The following COL26A1 variants were observed in gnomAD, a reference collection of about 807,000 sequenced individuals.
COL26A1 encodes the protein collagen alpha-1(XXVI) chain.
In COL26A1, 41 loss-of-function variants were observed where a neutral mutation model predicts 59.3. That is an observed-to-expected ratio of 0.69 (90% confidence interval 0.54 to 0.90). The LOEUF is 0.90. Among genes scored for constraint, COL26A1 ranks in the 40% least tolerant of loss-of-function variants. The probability of loss-of-function intolerance (pLI) is 0.00; values close to 1 mark genes in which losing one functional copy is unlikely to be tolerated. For missense variants in COL26A1, 612 were observed against 602.3 expected (o/e 1.02, Z -0.17); for synonymous variants, 266 against 256.0 (o/e 1.04, Z -0.37).
chr7:101,370,908 G>A (rs1791175899), intron 1 of COL26A1, among the ~76,000 whole-genome samples: 1 of 152,108 alleles, frequency 6.6e-6, no homozygotes. Flanking sequence ...CCCTGCACCT[G>A]TGATTTGTGG....
intron 3 of COL26A1, among the ~76,000 whole-genome samples, chr7:101,472,161 C>T (rs370706660): frequency 1.3e-5 from 2 of 152,118 alleles, no homozygotes; most frequent in Middle Eastern, 3.4e-3. Context: ...TGCGCCATCA[C>T]GCCTGGCCAG....
chr7:101,460,134 T>C (rs571036149), intron 3 of COL26A1, among the ~76,000 whole-genome samples: 2 of 152,282 alleles, frequency 1.3e-5, no homozygotes, highest in East Asian at 3.9e-4. Context: ...GCCGAGTGCA[T>C]AGCACGTTCC....
Position 101,381,525 on chromosome 7 carries a change from G to A in COL26A1, c.158+18335G>A, listed in dbSNP as rs369138380. 4.6e-5 allele frequency among the ~76,000 whole-genome samples: 7 copies of A among 152,260 alleles called. No homozygotes were observed. The East Asian group carries it at 1.3e-3, about 29-fold the overall frequency. On this transcript the variant is annotated intron_variant, in intron 1 of 12. Transcript: ENST00000313669. ...AATTTATTGGCTCATGGCTCTGGAG[G>A]CTGGGAAGTCCAAAAGCCAGGGGCT... is the stretch of plus-strand genomic sequence containing the variant.
At position 101,385,431 on chromosome 7, in the gene COL26A1, C is replaced by T. The variant is rs1310937297; in HGVS notation, c.158+22241C>T. Among the ~76,000 whole-genome samples, 8 of 149,836 alleles carry T rather than the reference C, an allele frequency of 5.3e-5. No homozygotes were observed. The South Asian group carries it at 6.3e-4, about 12-fold the overall frequency. ...TGTTGCCCAGGCTGCAGTGCAGTGGCGTGATCTTGGCTCACTGCAACCTCC... is the reference window on the plus strand; with the variant it reads ...TGTTGCCCAGGCTGCAGTGCAGTGGTGTGATCTTGGCTCACTGCAACCTCC... On this transcript the variant is annotated intron_variant, in intron 1 of 12. Coordinates refer to ENST00000313669, the MANE Select transcript of COL26A1 (RefSeq NM_001278563.3).
At chr7:101,553,972 G>A (rs1048779829) in intron 11 of COL26A1, among the ~76,000 whole-genome samples, 2 of 152,040 alleles carry the variant, frequency 1.3e-5, no homozygotes, top group African/African-American at 4.8e-5. Flanking sequence ...GGCTGAAGCT[G>A]GGGTAGTGGA....
chr7:101,544,952 C>T (rs578124153), intron 6 of COL26A1, among the ~76,000 whole-genome samples: 5 of 152,168 alleles, frequency 3.3e-5, no homozygotes, highest in Non-Finnish European at 7.3e-5. Flanking sequence ...CTCCTGGGTC[C>T]TGCCGGGGAA....
At chr7:101,375,699 G>GAA (rs1338948280) in intron 1 of COL26A1, among the ~76,000 whole-genome samples, 2 of 151,430 alleles carry the variant, frequency 1.3e-5, no homozygotes. Flanking sequence ...GAAAGAAAAA[G>GAA]AAAATTGGCC....
At chr7:101,525,702 T>G (rs370612396) in intron 3 of COL26A1, among the ~76,000 whole-genome samples, 44 of 152,092 alleles carry the variant, frequency 2.9e-4, no homozygotes, top group Middle Eastern at 3.4e-3. Context: ...TTCACTGTGT[T>G]AGCCAGGATG....
At chr7:101,418,256 G>A (rs1346178217) in intron 1 of COL26A1, among the ~76,000 whole-genome samples, 1 of 152,028 alleles carries the variant, frequency 6.6e-6, no homozygotes. Flanking sequence ...CAATCTCTCT[G>A]ATGGTCACCT....
chr7:101,391,741 G>A (rs1791733446), intron 1 of COL26A1, among the ~76,000 whole-genome samples: 1 of 152,154 alleles, frequency 6.6e-6, no homozygotes, highest in Non-Finnish European at 1.5e-5. Context: ...TTTTAGTAGA[G>A]ACGGGGTATC....
At chr7:101,534,411 C>T (rs763766887) in intron 4 of COL26A1, among the ~76,000 whole-genome samples, 2 of 152,102 alleles carry the variant, frequency 1.3e-5, no homozygotes, top group Non-Finnish European at 2.9e-5. Context: ...GCATGCATAC[C>T]CACATAATAC....
At chr7:101,481,252 A>G (rs1794147934) in intron 3 of COL26A1, among the ~76,000 whole-genome samples, 1 of 152,102 alleles carries the variant, frequency 6.6e-6, no homozygotes, top group Non-Finnish European at 1.5e-5. Flanking sequence ...GTAAAACCCC[A>G]CACTGAAACA....
chr7:101,396,470 CT>C (rs201290132), intron 1 of COL26A1, among the ~76,000 whole-genome samples: 1 of 149,006 alleles, frequency 6.7e-6, no homozygotes, highest in Admixed American at 6.7e-5. Context: ...TTAAGCATTT[CT>C]TTTTTTTTTG....
At chr7:101,508,910 C>T (rs1385842856) in intron 3 of COL26A1, among the ~76,000 whole-genome samples, 3 of 151,750 alleles carry the variant, frequency 2.0e-5, no homozygotes, top group Non-Finnish European at 4.4e-5. Context: ...GAGGCTGAGG[C>T]GGGAGGATCC....
chr7:101,366,936 G>T (rs948858648), intron 1 of COL26A1, among the ~76,000 whole-genome samples: 42 of 152,144 alleles, frequency 2.8e-4, no homozygotes, highest in African/African-American at 8.4e-4. Flanking sequence ...CCTCCACGCT[G>T]TTGACTTGTT....
intron 2 of COL26A1, among the ~76,000 whole-genome samples, chr7:101,422,704 G>A (rs1037051838): frequency 6.6e-6 from 1 of 151,976 alleles, no homozygotes; most frequent in Non-Finnish European, 1.5e-5. Context: ...GTGCAGTGGT[G>A]CAATCATGGC....
chr7:101,463,626 TCTTCCTTC>T lies in COL26A1; in HGVS notation c.385+15849_385+15856del, dbSNP rs1310357604. Reference sequence around the variant, plus strand: ...TTCTTCTTCCCTCCCTCCCTCCCCCTCTTCCTTCCTTCCTTCCATCCTTCCATCCTTCC... The same window carrying T: ...TTCTTCTTCCCTCCCTCCCTCCCCCTCTTCCTTCCATCCTTCCATCCTTCC... On this transcript the variant is annotated intron_variant, in intron 3 of 12. Coordinates refer to ENST00000313669, the MANE Select transcript of COL26A1 (RefSeq NM_001278563.3). Among the ~76,000 whole-genome samples the T allele has an allele frequency of 1.1e-3, 63 of 57,054 alleles. No homozygotes were observed. In the East Asian group the frequency reaches 0.013, roughly 12 times the overall value. The allele number at this position is 57,054 out of a possible 152,430, so 37.4% of individuals were successfully genotyped here.
intron 10 of COL26A1, 95 bp downstream of exon 10, chr7:101,551,238 T>TTGGGGGGGGGGCA: frequency 1.2e-5 from 6 of 491,344 alleles, no homozygotes; most frequent in Middle Eastern, 6.4e-4. Context: ...GGTGGGGGGG[T>TTGGGGGGGGGGCA]TCAGCCCTGG....
chr7:101,470,568 T>G (rs947839598), intron 3 of COL26A1, among the ~76,000 whole-genome samples: 3 of 152,054 alleles, frequency 2.0e-5, no homozygotes, highest in Non-Finnish European at 4.4e-5. Context: ...TCGCCGTTGC[T>G]CTCTGCCTAA....
Sources: allele counts gnomAD v4.1 joint callset (sites outside exome capture counted in the v4.1 genomes callset), GRCh38; gene constraint gnomAD v4.1.1; transcripts MANE v1.5; gene names NCBI Gene and HGNC (gene_info 2026-07-23, HGNC 2026-07-21).